MAGI1: variants seen among roughly 807,000 people sequenced by gnomAD.
MAGI1 encodes membrane-associated guanylate kinase, WW and PDZ domain-containing protein 1.
Under a neutral mutation model 139.9 loss-of-function variants are expected in MAGI1, and 58 were observed. The ratio of observed to expected loss-of-function variants is 0.41; its 90% confidence interval spans 0.34 to 0.52. MAGI1 has a LOEUF of 0.52. MAGI1 is among the 20% of genes least tolerant of loss of function. MAGI1 has a pLI of 0.12. For synonymous variants in MAGI1, 812 were observed against 737.9 expected, an observed-to-expected ratio of 1.10 and a Z score of -1.63; for missense variants, 1,874 against 1,901.6, an observed-to-expected ratio of 0.99 and a Z score of 0.27.
At chr3:65,760,383 C>T (rs951345875) in intron 1 of MAGI1, among the ~76,000 whole-genome samples, 2 of 140,966 alleles carry the variant, frequency 1.4e-5, no homozygotes, top group Non-Finnish European at 3.1e-5. Context: ...AGTAACAGAG[C>T]GGTAATTTTT....
Position 65,698,512 on chromosome 3 carries a change from T to G in MAGI1, c.314-76424A>C, listed in dbSNP as rs946762697. ...TACAGTAACCAAAACAGCATGGTAC[T>G]GGTACCAAAACAGAGATGTAGATCA... On this transcript the variant is annotated intron_variant, in intron 1 of 22. Coordinates refer to ENST00000402939, the MANE Select transcript of MAGI1 (RefSeq NM_001033057.2). 9.7e-4 allele frequency among the ~76,000 whole-genome samples: 148 copies of G among 151,946 alleles called. 1 individual carries two copies. Among genetic ancestry groups the G allele is most frequent in the South Asian group, 2.9e-3 (14 of 4,810 alleles).
intron 1 of MAGI1, among the ~76,000 whole-genome samples, chr3:65,863,303 T>C (rs777743685): frequency 5.8e-4 from 88 of 152,350 alleles, no homozygotes; most frequent in Non-Finnish European, 8.4e-4. Flanking sequence ...TTATGATATA[T>C]AGCCAAGTGT....
chr3:65,642,523 A>T (rs2085037882), intron 1 of MAGI1, among the ~76,000 whole-genome samples: 1 of 152,192 alleles, frequency 6.6e-6, no homozygotes, highest in African/African-American at 2.4e-5. Flanking sequence ...TTTTATAATG[A>T]CTTAGCTAGA....
chr3:65,919,418 G>A (rs548202772), intron 1 of MAGI1, among the ~76,000 whole-genome samples: 1 of 151,652 alleles, frequency 6.6e-6, no homozygotes, highest in African/African-American at 2.4e-5. Context: ...TTTTAAATTG[G>A]CCAGGAGTGG....
intron 2 of MAGI1, among the ~76,000 whole-genome samples, chr3:65,583,870 T>C (rs1274974230): frequency 1.3e-5 from 2 of 152,100 alleles, no homozygotes; most frequent in South Asian, 2.1e-4. Context: ...GCTCTGTCAT[T>C]TTCTCCCTGA....
chr3:65,684,376 G>A (rs1411022113), intron 1 of MAGI1, among the ~76,000 whole-genome samples: 2 of 152,100 alleles, frequency 1.3e-5, no homozygotes, highest in African/African-American at 2.4e-5. Context: ...CAACAGGTAA[G>A]TGGTTAAACT....
intron 1 of MAGI1, among the ~76,000 whole-genome samples, chr3:65,626,013 A>G (rs2083950247): frequency 6.6e-6 from 1 of 152,232 alleles, no homozygotes; most frequent in Admixed American, 6.5e-5. Context: ...AGCTTGAGGT[A>G]TAAGGCACTC....
intron 1 of MAGI1, among the ~76,000 whole-genome samples, chr3:65,975,161 T>C (rs925298720): frequency 1.3e-5 from 2 of 151,718 alleles, no homozygotes; most frequent in East Asian, 1.9e-4. Context: ...CCAAAAATGA[T>C]TGAAATGTTC....
At chr3:65,920,114 C>G (rs1295150601) in intron 1 of MAGI1, among the ~76,000 whole-genome samples, 2 of 152,146 alleles carry the variant, frequency 1.3e-5, no homozygotes, top group African/African-American at 4.8e-5. Flanking sequence ...GGGAGTTTTG[C>G]ACATCACAAA....
intron 1 of MAGI1, among the ~76,000 whole-genome samples, chr3:65,967,790 T>C (rs2107152582): frequency 6.6e-6 from 1 of 152,244 alleles, no homozygotes; most frequent in Non-Finnish European, 1.5e-5. Context: ...CTTCTCAGGC[T>C]CTATAGATGA....
chr3:65,860,754 C>G (rs966388946), intron 1 of MAGI1, among the ~76,000 whole-genome samples: 1 of 152,208 alleles, frequency 6.6e-6, no homozygotes, highest in African/African-American at 2.4e-5. Flanking sequence ...ATTCCCTCTT[C>G]CATTTCCCCA....
chr3:65,769,108 T>G (rs6801601), intron 1 of MAGI1, among the ~76,000 whole-genome samples: 84,897 of 152,064 alleles, frequency 0.56, 24,132 homozygotes, highest in Admixed American at 0.63. Context: ...GAACTCAATA[T>G]TGGCTTTCTT....
At chr3:65,717,084 C>T (rs529388710) in intron 1 of MAGI1, among the ~76,000 whole-genome samples, 5 of 152,196 alleles carry the variant, frequency 3.3e-5, no homozygotes, top group African/African-American at 1.2e-4. Context: ...TCTGGATGGG[C>T]AAATCACATG....
At chr3:65,788,066 C>G (rs1002429857) in intron 1 of MAGI1, among the ~76,000 whole-genome samples, 1 of 152,144 alleles carries the variant, frequency 6.6e-6, no homozygotes, top group Non-Finnish European at 1.5e-5. Flanking sequence ...TTCTAGGTTT[C>G]CTTGAGGTCA....
chr3:65,435,714 A>C (rs1308181977), intron 10 of MAGI1, among the ~76,000 whole-genome samples: 1 of 152,198 alleles, frequency 6.6e-6, no homozygotes, highest in Non-Finnish European at 1.5e-5. Flanking sequence ...AAATTTCATA[A>C]ATGTGAAGTA....
At chr3:65,944,924 T>C (rs2063484277) in intron 1 of MAGI1, among the ~76,000 whole-genome samples, 1 of 152,208 alleles carries the variant, frequency 6.6e-6, no homozygotes, top group Admixed American at 6.5e-5. Flanking sequence ...TTATGTAATA[T>C]TAGCATTCAT....
intron 1 of MAGI1, among the ~76,000 whole-genome samples, chr3:66,027,574 A>T (rs552487375): frequency 6.6e-6 from 1 of 152,326 alleles, no homozygotes; most frequent in East Asian, 1.9e-4. Flanking sequence ...AACCAGGAGA[A>T]CCTGACTTCT....
chr3:65,519,605 C>G (rs1205049719), intron 2 of MAGI1, among the ~76,000 whole-genome samples: 1 of 152,064 alleles, frequency 6.6e-6, no homozygotes, highest in Non-Finnish European at 1.5e-5. Context: ...AGGCTGGTCT[C>G]AAACTCCTGA....
intron 1 of MAGI1, among the ~76,000 whole-genome samples, chr3:65,789,307 C>T (rs980833545): frequency 6.6e-6 from 1 of 152,100 alleles, no homozygotes; most frequent in South Asian, 2.1e-4. Context: ...CTTCCCACCC[C>T]CACCACTCCC....
Sources: allele counts gnomAD v4.1 joint callset (sites outside exome capture counted in the v4.1 genomes callset), GRCh38; gene constraint gnomAD v4.1.1; transcripts MANE v1.5; gene names NCBI Gene and HGNC (gene_info 2026-07-23, HGNC 2026-07-21).